The following BCAT1 variants were observed in gnomAD, a reference collection of about 807,000 sequenced individuals.
BCAT1 encodes branched chain amino acid transaminase 1, also known as branched-chain-amino-acid aminotransferase, cytosolic.
BCAT1 carries 48 observed loss-of-function variants against 52.4 expected under a neutral mutation model. The ratio of observed to expected loss-of-function variants is 0.92; its 90% CI spans 0.73 to 1.16. The LOEUF is 1.16. Ranked by LOEUF, BCAT1 falls within the 50% of genes most tolerant of loss-of-function variation. The probability of loss-of-function intolerance (pLI) is 0.00; values close to 1 mark genes in which losing one functional copy is unlikely to be tolerated. For missense variants in BCAT1, 451 were observed against 457.1 expected (o/e 0.99, Z 0.12); for synonymous variants, 167 against 161.3 (o/e 1.04, Z -0.27).
At chr12:24,823,218 ATTTG>A (rs34858948) in intron 10 of BCAT1, among the ~76,000 whole-genome samples, 23,359 of 150,718 alleles carry the variant, frequency 0.15, 2,078 homozygotes, top group African/African-American at 0.23. Context: ...TGCCCGATTA[ATTTG>A]TTTGTTTGTT....
At chr12:24,822,659 C>A (rs752226872) in intron 10 of BCAT1, among the ~76,000 whole-genome samples, 2 of 152,170 alleles carry the variant, frequency 1.3e-5, no homozygotes, top group Non-Finnish European at 2.9e-5. Flanking sequence ...ATAACTGAGA[C>A]GTGCTCTTCA....
intron 3 of BCAT1, among the ~76,000 whole-genome samples, chr12:24,891,740 C>T (rs1397019499): frequency 6.6e-6 from 1 of 151,484 alleles, no homozygotes; most frequent in African/African-American, 2.4e-5. Context: ...AAATAGATGG[C>T]CAAAGAGGTT....
chr12:24,862,182 T>C (rs1941864132), intron 5 of BCAT1, among the ~76,000 whole-genome samples: 1 of 152,240 alleles, frequency 6.6e-6, no homozygotes, highest in African/African-American at 2.4e-5. Flanking sequence ...CATTCTTTTC[T>C]TTCTCTACTT....
intron 10 of BCAT1, among the ~76,000 whole-genome samples, chr12:24,827,042 T>A (rs934525910): frequency 1.3e-5 from 2 of 152,084 alleles, no homozygotes; most frequent in Non-Finnish European, 2.9e-5. Flanking sequence ...TTTGAGGGAG[T>A]CTTTAGGTTT....
intron 1 of BCAT1, among the ~76,000 whole-genome samples, chr12:24,937,610 C>T (rs921269786): frequency 3.3e-5 from 5 of 152,144 alleles, no homozygotes; most frequent in African/African-American, 1.2e-4. Context: ...CTCCTGTGCT[C>T]AAGTGATCCT....
chr12:24,895,832 TAGAATAATATTC>T (rs939792165), intron 2 of BCAT1, among the ~76,000 whole-genome samples: 1 of 152,212 alleles, frequency 6.6e-6, no homozygotes, highest in African/African-American at 2.4e-5. Context: ...ATTGTATTTT[TAGAATAATATTC>T]AGGCTGAAAA....
At chr12:24,846,203 C>T (rs962803893) in intron 6 of BCAT1, among the ~76,000 whole-genome samples, 8 of 152,134 alleles carry the variant, frequency 5.3e-5, no homozygotes, top group African/African-American at 1.7e-4. Flanking sequence ...TTTCAATGCA[C>T]TGAAAAGAAA....
At chr12:24,883,024 C>T (rs1389051768) in intron 3 of BCAT1, among the ~76,000 whole-genome samples, 4 of 151,998 alleles carry the variant, frequency 2.6e-5, no homozygotes, top group African/African-American at 9.7e-5. Flanking sequence ...TGATGGCTCA[C>T]GTCTGTAATC....
intron 1 of BCAT1, among the ~76,000 whole-genome samples, chr12:24,916,316 T>C (rs1453427268): frequency 1.3e-5 from 2 of 152,326 alleles, no homozygotes; most frequent in East Asian, 3.9e-4. Context: ...TCTTTACTTA[T>C]TGCAAAGTTA....
Position 24,810,097 on chromosome 12 carries a change from T to G in BCAT1, c.*7911A>C, listed in dbSNP as rs929403286. The G allele has an allele frequency of 6.6e-6, 1 of 152,208 alleles. No individual in the cohort carries two copies. Among genetic ancestry groups the G allele is most frequent in the Non-Finnish European group, 1.5e-5 (1 of 68,040 alleles). 9.4% of individuals were successfully genotyped at this position (152,208 alleles called of 1,614,324 possible). Reference sequence around the variant, plus strand: ...CCCTAGTGGCTTAGTGACAAAGACCTTTGGAGAGAATGATCATGGGTTTTG... The same window carrying G: ...CCCTAGTGGCTTAGTGACAAAGACCGTTGGAGAGAATGATCATGGGTTTTG... On this transcript the variant is annotated 3_prime_UTR_variant, in exon 11 of 11. Transcript: ENST00000261192.
At chr12:24,826,891 T>C (rs889989203) in intron 10 of BCAT1, among the ~76,000 whole-genome samples, 3 of 152,224 alleles carry the variant, frequency 2.0e-5, no homozygotes, top group Non-Finnish European at 4.4e-5. Context: ...TTATACTTTT[T>C]GTGGCTATTA....
chr12:24,910,671 A>G (rs1943308560), intron 1 of BCAT1, among the ~76,000 whole-genome samples: 1 of 152,262 alleles, frequency 6.6e-6, no homozygotes, highest in South Asian at 2.1e-4. Flanking sequence ...ACAAGGGCCA[A>G]GTAATCAGTA....
intron 5 of BCAT1, among the ~76,000 whole-genome samples, chr12:24,860,242 GA>G (rs34331143): frequency 0.04 from 6,091 of 152,226 alleles, 392 homozygotes; most frequent in African/African-American, 0.14. Context: ...AAACTTTCAA[GA>G]GTCTCCCTTG....
intron 5 of BCAT1, among the ~76,000 whole-genome samples, chr12:24,862,701 C>T (rs7312749): frequency 0.049 from 7,416 of 152,178 alleles, 588 homozygotes; most frequent in African/African-American, 0.17. Flanking sequence ...CATAAATTCC[C>T]GTTCTCTTTT....
At chr12:24,917,238 G>A (rs2139713559) in intron 1 of BCAT1, among the ~76,000 whole-genome samples, 1 of 142,908 alleles carries the variant, frequency 7.0e-6, no homozygotes, top group Admixed American at 7.8e-5. Context: ...GAGTGCAGTG[G>A]CGCGATCTCG....
chr12:24,921,017 A>C (rs911931350), intron 1 of BCAT1, among the ~76,000 whole-genome samples: 1 of 152,124 alleles, frequency 6.6e-6, no homozygotes, highest in Non-Finnish European at 1.5e-5. Flanking sequence ...CCCTCCCAGC[A>C]TGTGAATGAA....
At chr12:24,856,516 G>A (rs979160360) in intron 5 of BCAT1, among the ~76,000 whole-genome samples, 4 of 128,898 alleles carry the variant, frequency 3.1e-5, no homozygotes, top group Admixed American at 8.7e-5. Context: ...CCATAGGCCT[G>A]CTGTCCTTAT....
chr12:24,898,176 TC>T (rs1943002394), intron 2 of BCAT1, among the ~76,000 whole-genome samples: 1 of 152,180 alleles, frequency 6.6e-6, no homozygotes, highest in Non-Finnish European at 1.5e-5. Context: ...AAAAGTATTT[TC>T]TTTTTCTAGA....
At chr12:24,919,076 T>C (rs898371863) in intron 1 of BCAT1, among the ~76,000 whole-genome samples, 5 of 152,176 alleles carry the variant, frequency 3.3e-5, no homozygotes, top group African/African-American at 1.2e-4. Flanking sequence ...TAAAAATTGA[T>C]CAATGGGCTG....
Sources: gnomAD v4.1 joint callset for allele counts (sites outside exome capture counted in the v4.1 genomes callset) on GRCh38, gnomAD v4.1.1 for gene constraint, MANE v1.5 for transcripts, NCBI Gene and HGNC (gene_info 2026-07-23, HGNC 2026-07-21) for gene names.